Variants in AKAP6 observed in about 807,000 individuals in gnomAD.
AKAP6 encodes the protein A-kinase anchor protein 6.
Under a neutral mutation model 188.5 loss-of-function variants are expected in AKAP6, and 58 were observed. The ratio of observed to expected loss-of-function variants is 0.31; its 90% CI spans 0.25 to 0.38. The LOEUF (loss-of-function observed/expected upper bound fraction) is 0.38, where lower values mean the gene tolerates loss of function less well. AKAP6 is among the 10% of genes least tolerant of loss of function. The probability of loss-of-function intolerance (pLI) is 1.00; values close to 1 mark genes in which losing one functional copy is unlikely to be tolerated. For missense variants in AKAP6, 2,710 were observed against 2,740.0 expected (o/e 0.99, Z 0.24); for synonymous variants, 989 against 998.6 (o/e 0.99, Z 0.18).
intron 7 of AKAP6, among the ~76,000 whole-genome samples, chr14:32,626,950 C>G (rs1025342835): frequency 1.3e-5 from 2 of 152,098 alleles, no homozygotes; most frequent in Non-Finnish European, 2.9e-5. Flanking sequence ...TTTCTTTCTA[C>G]TTTGTTAATC....
intron 2 of AKAP6, among the ~76,000 whole-genome samples, chr14:32,481,005 AC>A (rs1380766729): frequency 6.6e-6 from 1 of 152,168 alleles, no homozygotes; most frequent in East Asian, 1.9e-4. Context: ...TGTAGAGATA[AC>A]TCCTATTGAC....
At chr14:32,558,908 C>A (rs1883807778) in intron 4 of AKAP6, among the ~76,000 whole-genome samples, 1 of 152,166 alleles carries the variant, frequency 6.6e-6, no homozygotes, top group African/African-American at 2.4e-5. Context: ...TGTCACATAG[C>A]ATTACCTGAC....
intron 5 of AKAP6, among the ~76,000 whole-genome samples, chr14:32,592,592 G>A (rs1885530917): frequency 1.3e-5 from 2 of 152,162 alleles, no homozygotes; most frequent in South Asian, 2.1e-4. Flanking sequence ...GCATTAGCTG[G>A]CATCTCAGAG....
At chr14:32,533,510 G>T (rs778569475) in intron 2 of AKAP6, among the ~76,000 whole-genome samples, 12 of 152,154 alleles carry the variant, frequency 7.9e-5, no homozygotes, top group Non-Finnish European at 1.6e-4. Flanking sequence ...GTGAGTCCAG[G>T]TAGTAGATGG....
chr14:32,668,221 C>T (rs1889033950), intron 7 of AKAP6, among the ~76,000 whole-genome samples: 1 of 152,026 alleles, frequency 6.6e-6, no homozygotes, highest in South Asian at 2.1e-4. Context: ...TAGCTCATGA[C>T]ATAAAATGCG....
At chr14:32,602,525 C>T (rs1033003757) in intron 7 of AKAP6, among the ~76,000 whole-genome samples, 3 of 152,026 alleles carry the variant, frequency 2.0e-5, no homozygotes, top group African/African-American at 7.2e-5. Context: ...TTAATTTTAG[C>T]TGGGTATGGT....
chr14:32,418,937 ATTAT>A (rs1349597561), intron 1 of AKAP6, among the ~76,000 whole-genome samples: 2 of 152,168 alleles, frequency 1.3e-5, no homozygotes, highest in South Asian at 2.1e-4. Flanking sequence ...TATGTAACAA[ATTAT>A]TTATCTATGA....
intron 5 of AKAP6, among the ~76,000 whole-genome samples, chr14:32,586,526 C>A (rs1053331979): frequency 6.6e-6 from 1 of 152,094 alleles, no homozygotes; most frequent in Non-Finnish European, 1.5e-5. Flanking sequence ...GCTCAGGAGG[C>A]TGAGGCATGA....
rs375508869 is a variant in AKAP6 at position 32,433,580 on chromosome 14, C to T, written c.87C>T (p.Asn29=). 127 of 1,614,140 alleles carry T rather than the reference C, an allele frequency of 7.9e-5. No individual in the cohort carries two copies. Among genetic ancestry groups the T allele is most frequent in the Middle Eastern group, 3.3e-4 (2 of 6,060 alleles). ...MATDASPMAI[N]MTPTVEQGEG... is the part of the protein sequence containing the mutation. ...CTGATGCTTCACCCATGGCCATCAACATGACACCCACTGTGGAGCAGGGTG... is the reference window on the plus strand; with the variant it reads ...CTGATGCTTCACCCATGGCCATCAATATGACACCCACTGTGGAGCAGGGTG... Residue 29 remains asparagine, a synonymous_variant, in exon 2 of 14, where the codon AAC becomes AAT. Coordinates refer to ENST00000280979, the MANE Select transcript of AKAP6 (RefSeq NM_004274.5).
chr14:32,560,268 A>G lies in AKAP6; in HGVS notation c.2346+13269A>G, dbSNP rs537496800. On this transcript the variant is annotated intron_variant, in intron 4 of 13. Transcript: ENST00000280979. The stretch of plus-strand genomic sequence containing the variant: ...GTTGCAATGCCAGGACAAAAACTGT[A>G]TATTAACATTGCTAATGGATTTGTT... 1.5e-4 allele frequency among the ~76,000 whole-genome samples: 23 copies of G among 152,350 alleles called. No individual in the cohort carries two copies. In the South Asian group the frequency reaches 3.1e-3, roughly 21 times the overall value.
chr14:32,405,642 G>A (rs139208553), intron 1 of AKAP6, among the ~76,000 whole-genome samples: 33 of 152,148 alleles, frequency 2.2e-4, no homozygotes, highest in Admixed American at 4.6e-4. Flanking sequence ...GTCAATGGTG[G>A]GACCAGGTGG....
At chr14:32,725,278 C>T (rs1338881378) in intron 9 of AKAP6, among the ~76,000 whole-genome samples, 4 of 152,134 alleles carry the variant, frequency 2.6e-5, no homozygotes, top group African/African-American at 7.2e-5. Context: ...ATATTTTTCC[C>T]GAGGTCATGT....
chr14:32,576,243 TTA>T lies in AKAP6; in HGVS notation c.2347-875_2347-874del, dbSNP rs777144440. Among the ~76,000 whole-genome samples, 18 of 152,208 alleles carry T rather than the reference TTA, an allele frequency of 1.2e-4. No individual in the cohort carries two copies. The South Asian group carries it at 2.7e-3, about 23-fold the overall frequency. On this transcript the variant is annotated intron_variant, in intron 4 of 13. Transcript: ENST00000280979. ...AAACGGCATCTCAACCCATTCCTAGTTATGTGTGGAAGCCTGCCCTTGCTCCT... is the reference window on the plus strand; with the variant it reads ...AAACGGCATCTCAACCCATTCCTAGTTGTGTGGAAGCCTGCCCTTGCTCCT...
chr14:32,442,184 TGAG>T (rs1890598095), intron 2 of AKAP6, among the ~76,000 whole-genome samples: 1 of 152,188 alleles, frequency 6.6e-6, no homozygotes, highest in Admixed American at 6.5e-5. Flanking sequence ...CTGTTAGAAA[TGAG>T]GAGACTGAGT....
intron 1 of AKAP6, among the ~76,000 whole-genome samples, chr14:32,341,166 T>A (rs1424820387): frequency 6.6e-6 from 1 of 152,246 alleles, no homozygotes; most frequent in Non-Finnish European, 1.5e-5. Flanking sequence ...AGTTTCCTTA[T>A]CTTGCAAATT....
chr14:32,682,995 C>CTTTTTTTTTTTTTTTTTTTTTTTTT (rs71115090), intron 8 of AKAP6, among the ~76,000 whole-genome samples: 2 of 142,252 alleles, frequency 1.4e-5, no homozygotes, highest in African/African-American at 2.6e-5. Context: ...TTTTTTCTTC[C>CTTTTTTTTTTTTTTTTTTTTTTTTT]TTTTTTTTTT....
chr14:32,729,474 A>T (rs2031064083), intron 9 of AKAP6, among the ~76,000 whole-genome samples: 1 of 152,092 alleles, frequency 6.6e-6, no homozygotes, highest in African/African-American at 2.4e-5. Flanking sequence ...CAACTTCTTT[A>T]GTTCTTAGTT....
At position 32,562,007 on chromosome 14, in the gene AKAP6, A is replaced by G. The variant is rs886810903; in HGVS notation, c.2346+15008A>G. 3.3e-5 allele frequency among the ~76,000 whole-genome samples: 5 copies of G among 152,158 alleles called. 1 individual carries two copies. Among genetic ancestry groups the G allele is most frequent in the Admixed American group, 1.3e-4 (2 of 15,274 alleles). On this transcript the variant is annotated intron_variant, in intron 4 of 13. Transcript: ENST00000280979. ...CCTGTCTGAGGTTATAGAATTTTCT[A>G]TCTAAGAATGATAGGCTTGAATTTT...
chr14:32,533,310 G>A (rs922494779), intron 2 of AKAP6, among the ~76,000 whole-genome samples: 9 of 152,046 alleles, frequency 5.9e-5, no homozygotes, highest in African/African-American at 2.2e-4. Context: ...GCACCTACTG[G>A]GAAAAAAGGG....
Sources: allele counts gnomAD v4.1 joint callset (sites outside exome capture counted in the v4.1 genomes callset), GRCh38; gene constraint gnomAD v4.1.1; transcripts MANE v1.5; gene names NCBI Gene and HGNC (gene_info 2026-07-23, HGNC 2026-07-21).